ABCG2: variants seen among roughly 807,000 people sequenced by gnomAD.
The protein encoded by ABCG2 is ATP binding cassette subfamily G member 2 (JR blood group), also known as broad substrate specificity ATP-binding cassette transporter ABCG2.
ABCG2 carries 80 observed loss-of-function variants against 73.5 expected under a neutral mutation model. The observed-to-expected ratio is 1.09, with a 90% CI of 0.91 to 1.31. ABCG2 has a LOEUF of 1.31. ABCG2 is among the 50% of genes most tolerant of loss of function. The pLI, the probability that ABCG2 is intolerant of heterozygous loss-of-function variation, is 0.00. For missense variants in ABCG2, 796 were observed against 786.2 expected, an observed-to-expected ratio of 1.01 and a Z score of -0.15; for synonymous variants, 269 against 282.4, an observed-to-expected ratio of 0.95 and a Z score of 0.48.
Position 88,121,706 on chromosome 4 carries a change from G to C in ABCG2, c.618C>G (p.Ile206Met). 1 of 1,614,104 alleles carries C rather than the reference G, an allele frequency of 6.2e-7. No individual in the cohort carries two copies. The highest frequency in any genetic ancestry group is 2.2e-5 in the East Asian group (1 of 44,864). ...IGMELITDPS[I>M]LFLDEPTTGL... ...CAGTTGTAGGCTCATCCAAGAACAA[G>C]ATGGAAGGATCAGTGATAAGCTCCA... The change falls in exon 6 of 16, where the codon ATC (isoleucine) becomes ATG (methionine). Residue 206 changes from isoleucine (I) to methionine (M), a missense_variant. Transcript: ENST00000237612.
At chr4:88,123,173 G>C (rs1724132541) in intron 5 of ABCG2, among the ~76,000 whole-genome samples, 1 of 152,124 alleles carries the variant, frequency 6.6e-6, no homozygotes, top group African/African-American at 2.4e-5. Context: ...CCCATCCAAA[G>C]GTCACCAGCA....
chr4:88,101,285 A>G lies in ABCG2; in HGVS notation c.1312T>C (p.Cys438Arg), dbSNP rs547742211. The change falls in exon 11 of 16, where the codon TGT becomes CGT. Residue 438 changes from cysteine (C) to arginine (R), a missense_variant. Cys to Arg is a radical substitution (Grantham distance 180). Coordinates refer to ENST00000237612, the MANE Select transcript of ABCG2 (RefSeq NM_004827.3). ...GVLFFLTTNQ[C>R]FSSVSAVELF... ...TCCACGGCTGAAACACTGCTGAAACACTGGTTGGTCGTCAGGAAGAAGAGA... is the reference window on the plus strand; with the variant it reads ...TCCACGGCTGAAACACTGCTGAAACGCTGGTTGGTCGTCAGGAAGAAGAGA... The G allele has an allele frequency of 9.0e-5, 145 of 1,614,132 alleles. 3 individuals carry two copies. The South Asian group carries it at 1.5e-3, about 17-fold the overall frequency.
intron 1 of ABCG2, among the ~76,000 whole-genome samples, chr4:88,212,755 G>A (rs1043243814): frequency 6.6e-6 from 1 of 151,946 alleles, no homozygotes; most frequent in African/African-American, 2.4e-5. Context: ...CAGCTCCTCT[G>A]CTCCCCTTTT....
At chr4:88,199,301 A>G (rs1270634474) in intron 1 of ABCG2, among the ~76,000 whole-genome samples, 1 of 152,126 alleles carries the variant, frequency 6.6e-6, no homozygotes, top group Non-Finnish European at 1.5e-5. Context: ...ATGAACTGAC[A>G]GTTTCTCCCA....
chr4:88,142,656 TA>T lies in ABCG2; in HGVS notation c.-19-2643del, dbSNP rs1478638718. ...TCAACCAGTCGCAAATCGAAAATAT[TA>T]AAAAATAGGACAGGCGTGGTGGTTC... On this transcript the variant is annotated intron_variant, in intron 1 of 15. Transcript: ENST00000237612. 3.9e-5 allele frequency among the ~76,000 whole-genome samples: 6 copies of T among 152,066 alleles called. No homozygotes were observed. In the East Asian group the frequency reaches 1.2e-3, roughly 29 times the overall value.
Position 88,115,173 on chromosome 4 carries a change from C to CCTTAA in ABCG2, c.842-120_842-116dup, listed in dbSNP as rs1723449851. ...GAGAAGACAGAATCTAATGACTTTT[C>CCTTAA]CTTAACTTTCTTTCTCTCTTCTTCC... On this transcript the variant is annotated intron_variant, in intron 7 of 15. Transcript: ENST00000237612. 8.4e-6 allele frequency: 5 copies of CCTTAA among 593,126 alleles called. No individual in the cohort carries two copies. The South Asian group carries it at 1.2e-4, about 15-fold the overall frequency. 36.7% of individuals were successfully genotyped at this position (593,126 alleles called of 1,614,324 possible).
intron 1 of ABCG2, among the ~76,000 whole-genome samples, chr4:88,167,238 G>C (rs1727560811): frequency 6.6e-6 from 1 of 151,926 alleles, no homozygotes; most frequent in Non-Finnish European, 1.5e-5. Context: ...TGAGTTTCCT[G>C]TGTCCTTGCT....
upstream of ABCG2, among the ~76,000 whole-genome samples, chr4:88,163,421 A>G (rs1727391191): frequency 6.6e-6 from 1 of 152,244 alleles, no homozygotes; most frequent in Non-Finnish European, 1.5e-5. Context: ...ACATGTGTGC[A>G]TGCCAAGAGG....
intron 2 of ABCG2, among the ~76,000 whole-genome samples, chr4:88,136,359 T>G (rs1371242960): frequency 6.6e-6 from 1 of 152,152 alleles, no homozygotes; most frequent in Non-Finnish European, 1.5e-5. Flanking sequence ...ATTTTGGTTT[T>G]GTAAATATCT....
intron 1 of ABCG2, among the ~76,000 whole-genome samples, chr4:88,178,424 CTTG>C (rs1318964567): frequency 6.6e-6 from 1 of 152,150 alleles, no homozygotes; most frequent in Non-Finnish European, 1.5e-5. Context: ...CCAGGCAGTA[CTTG>C]TTGTAGGCAC....
At chr4:88,181,384 G>C (rs1170751573) in intron 1 of ABCG2, among the ~76,000 whole-genome samples, 4 of 94,654 alleles carry the variant, frequency 4.2e-5, no homozygotes, top group African/African-American at 2.2e-4. Flanking sequence ...TGGTGACAGA[G>C]CAAGACTCCA....
intron 1 of ABCG2, among the ~76,000 whole-genome samples, chr4:88,183,498 CAACT>C (rs779499227): frequency 4.6e-5 from 7 of 151,900 alleles, no homozygotes; most frequent in Non-Finnish European, 8.8e-5. Context: ...TACACACAAC[CAACT>C]AAGAATGAAC....
intron 13 of ABCG2, among the ~76,000 whole-genome samples, chr4:88,097,065 G>A (rs1428878261): frequency 1.3e-5 from 2 of 152,030 alleles, no homozygotes; most frequent in Non-Finnish European, 2.9e-5. Flanking sequence ...AAATAAACTA[G>A]CAGTTCTCTA....
chr4:88,229,453 A>G (rs1730364803), intron 1 of ABCG2, among the ~76,000 whole-genome samples: 1 of 152,204 alleles, frequency 6.6e-6, no homozygotes, highest in African/African-American at 2.4e-5. Context: ...AGCCTGGGCA[A>G]CATAATGAGA....
At chr4:88,152,920 G>A (rs1323433395) in intron 1 of ABCG2, among the ~76,000 whole-genome samples, 3 of 152,024 alleles carry the variant, frequency 2.0e-5, no homozygotes, top group African/African-American at 7.3e-5. Flanking sequence ...TGTGGTAAGG[G>A]GTGATATTGT....
chr4:88,218,067 C>T lies in ABCG2; in HGVS notation c.-20+12927G>A, dbSNP rs60473789. ...TGGTCTCCCAGGTGTTTCTCTAGCA[C>T]GCTAGACATGTTCCTGCCTCCGTTC... is the stretch of plus-strand genomic sequence containing the variant. On this transcript the variant is annotated intron_variant, in intron 1 of 15. Coordinates refer to the ABCG2 transcript ENST00000515655. 8.3e-3 allele frequency among the ~76,000 whole-genome samples: 1,258 copies of T among 152,134 alleles called. 19 individuals carry two copies. The highest frequency in any genetic ancestry group is 0.029 in the African/African-American group (1,184 of 41,502).
chr4:88,186,021 A>G (rs1016145425), intron 1 of ABCG2, among the ~76,000 whole-genome samples: 21 of 152,274 alleles, frequency 1.4e-4, no homozygotes, highest in Middle Eastern at 3.4e-3. Flanking sequence ...ATATACCCCC[A>G]AAAAAGGAAA....
intron 1 of ABCG2, among the ~76,000 whole-genome samples, chr4:88,140,716 A>G (rs921194255): frequency 2.6e-5 from 4 of 152,304 alleles, no homozygotes; most frequent in African/African-American, 7.2e-5. Flanking sequence ...GCAGTCAGGA[A>G]CAGGAGACAT....
At chr4:88,131,274 C>T (rs190629776) in intron 4 of ABCG2, 61 bp from the exon 5 acceptor site, 3 of 1,530,712 alleles carry the variant, frequency 2.0e-6, no homozygotes, top group African/African-American at 1.4e-5. Context: ...AAGACCATGA[C>T]TGTTTAGTAT....
Sources: allele counts gnomAD v4.1 joint callset (sites outside exome capture counted in the v4.1 genomes callset), GRCh38; gene constraint gnomAD v4.1.1; transcripts MANE v1.5; gene names NCBI Gene and HGNC (gene_info 2026-07-23, HGNC 2026-07-21).